INVS: variants seen among roughly 807,000 people sequenced by gnomAD.
INVS encodes the protein inversin.
A neutral mutation model predicts 108.8 loss-of-function variants in INVS; 86 were observed. That is an observed-to-expected ratio of 0.79 (90% confidence interval 0.66 to 0.95). The LOEUF is 0.95. Ranked by LOEUF, INVS falls within the 40% of genes least tolerant of loss-of-function variation. INVS has a pLI of 0.00. For synonymous variants in INVS, 455 were observed against 473.5 expected, an observed-to-expected ratio of 0.96 and a Z score of 0.51; for missense variants, 1,169 against 1,297.4, an observed-to-expected ratio of 0.90 and a Z score of 1.52.
chr9:100,160,130 T>A (rs948315812), intron 3 of INVS, among the ~76,000 whole-genome samples: 3 of 152,198 alleles, frequency 2.0e-5, no homozygotes, highest in Non-Finnish European at 4.4e-5. Context: ...ACAATGCCCT[T>A]CTGGGAGCTC....
intron 10 of INVS, among the ~76,000 whole-genome samples, chr9:100,254,869 C>T (rs1342677034): frequency 6.6e-6 from 1 of 152,140 alleles, no homozygotes; most frequent in Non-Finnish European, 1.5e-5. Context: ...CAGCTTTGTT[C>T]TTTTGGCTTA....
chr9:100,183,300 A>G (rs971177087), intron 3 of INVS, among the ~76,000 whole-genome samples: 1 of 152,184 alleles, frequency 6.6e-6, no homozygotes, highest in Non-Finnish European at 1.5e-5. Flanking sequence ...ATGATCCAAT[A>G]TAGTAAAGCA....
chr9:100,161,380 A>ACAAAAAAAAAAC (rs1564138752), intron 3 of INVS, among the ~76,000 whole-genome samples: 1 of 115,430 alleles, frequency 8.7e-6, no homozygotes, highest in Non-Finnish European at 1.7e-5. Flanking sequence ...AAAAAAAAAA[A>ACAAAAAAAAAAC]AAAAAAAAAA....
At chr9:100,136,122 C>T (rs572025783) in intron 3 of INVS, among the ~76,000 whole-genome samples, 2 of 152,164 alleles carry the variant, frequency 1.3e-5, no homozygotes, top group Admixed American at 1.3e-4. Context: ...CTGGATTTTT[C>T]AGTTAGAAAG....
intron 1 of INVS, among the ~76,000 whole-genome samples, chr9:100,101,011 T>A (rs1257768742): frequency 1.0e-5 from 1 of 97,240 alleles, no homozygotes; most frequent in African/African-American, 4.1e-5. Flanking sequence ...ATATATATAT[T>A]ATATGTATAT....
chr9:100,200,355 T>C (rs1485166228), intron 3 of INVS, among the ~76,000 whole-genome samples: 1 of 152,234 alleles, frequency 6.6e-6, no homozygotes, highest in Non-Finnish European at 1.5e-5. Context: ...ATGGAGTAAT[T>C]TTTTATAGCA....
chr9:100,136,325 G>A (rs561682882), intron 3 of INVS, among the ~76,000 whole-genome samples: 42 of 152,176 alleles, frequency 2.8e-4, no homozygotes, highest in African/African-American at 8.9e-4. Context: ...CAGTATAACC[G>A]TCACCCACTT....
At position 100,100,649 on chromosome 9, in the gene INVS, T is replaced by TATATAATATATATTATATATGTAC. The variant is rs1826825642; in HGVS notation, c.-25+1246_-25+1247insTATATATGTACATATAATATATAT. ...ATATAATATATATATTATATATGTATATATAATATATATATTATATATGTA... is the reference window on the plus strand; with the variant it reads ...ATATAATATATATATTATATATGTATATATAATATATATTATATATGTACATATAATATATATATTATATATGTA... On this transcript the variant is annotated intron_variant, in intron 1 of 16. Transcript: ENST00000262457. Among the ~76,000 whole-genome samples, 2 of 42,724 alleles carry TATATAATATATATTATATATGTAC rather than the reference T, an allele frequency of 4.7e-5. 1 individual carries two copies. The highest frequency in any genetic ancestry group is 7.2e-5 in the Non-Finnish European group (2 of 27,696). 28.0% of individuals were successfully genotyped at this position (42,724 alleles called of 152,430 possible).
chr9:100,234,252 C>A (rs1831608463), intron 5 of INVS, among the ~76,000 whole-genome samples: 1 of 152,000 alleles, frequency 6.6e-6, no homozygotes, highest in Non-Finnish European at 1.5e-5. Flanking sequence ...CTATTTAATT[C>A]TCTGTTTTCT....
intron 3 of INVS, among the ~76,000 whole-genome samples, chr9:100,157,499 C>T (rs1211095630): frequency 6.6e-6 from 1 of 151,938 alleles, no homozygotes; most frequent in Admixed American, 6.5e-5. Flanking sequence ...ATCTCCTGGC[C>T]TCGTGATCCG....
chr9:100,139,500 T>C (rs1377965035), intron 3 of INVS, among the ~76,000 whole-genome samples: 1 of 152,238 alleles, frequency 6.6e-6, no homozygotes, highest in Non-Finnish European at 1.5e-5. Context: ...AGCTATCTTC[T>C]AGAAATCTCT....
At chr9:100,270,793 A>G (rs975479291) in intron 11 of INVS, among the ~76,000 whole-genome samples, 1 of 150,816 alleles carries the variant, frequency 6.6e-6, no homozygotes, top group Non-Finnish European at 1.5e-5. Flanking sequence ...TTGGTGGTAC[A>G]TGCCCGTGGT....
At chr9:100,161,388 A>AAAAAAAAAAAAAAAAAAAAC (rs1564138793) in intron 3 of INVS, among the ~76,000 whole-genome samples, 1 of 139,046 alleles carries the variant, frequency 7.2e-6, no homozygotes, top group African/African-American at 2.9e-5. Context: ...AAAAAAAAAA[A>AAAAAAAAAAAAAAAAAAAAC]AAAACCTCAT....
chr9:100,192,248 AGTGT>A (rs58132596), intron 3 of INVS, among the ~76,000 whole-genome samples: 7,514 of 144,960 alleles, frequency 0.052, 204 homozygotes, highest in African/African-American at 0.075. Flanking sequence ...GGGAAAAAAG[AGTGT>A]GTGTGTGTGT....
chr9:100,181,425 G>C (rs755664651), intron 3 of INVS, among the ~76,000 whole-genome samples: 2 of 151,848 alleles, frequency 1.3e-5, no homozygotes, highest in African/African-American at 2.4e-5. Flanking sequence ...GCAAAGTCTC[G>C]GGATACAAAA....
chr9:100,217,611 G>A (rs1831030495), intron 3 of INVS, among the ~76,000 whole-genome samples: 1 of 152,222 alleles, frequency 6.6e-6, no homozygotes, highest in Non-Finnish European at 1.5e-5. Context: ...CATCTGAAGA[G>A]TGCTAGATTT....
chr9:100,247,126 T>A, intron 8 of INVS, among the ~76,000 whole-genome samples: 1 of 151,928 alleles, frequency 6.6e-6, no homozygotes, highest in Non-Finnish European at 1.5e-5. Context: ...CCATATTTAG[T>A]AGTCATGAAT....
rs1439993629 is a variant in INVS at position 100,240,051 on chromosome 9, T to C, written c.616-9T>C. ...TGTATGTCTGAAGTCTCTGGTTCCT[T>C]CAAATCAGGATGCTGCTCCAACAGA... On this transcript the variant is annotated splice_polypyrimidine_tract_variant and intron_variant, in intron 5 of 16. Coordinates refer to ENST00000262457, the MANE Select transcript of INVS (RefSeq NM_014425.5). 1 of 1,613,010 alleles carries C rather than the reference T, an allele frequency of 6.2e-7. No individual in the cohort carries two copies. Among genetic ancestry groups the C allele is most frequent in the Non-Finnish European group, 8.5e-7 (1 of 1,179,116 alleles).
chr9:100,296,039 G>C (rs1414065824), intron 14 of INVS, among the ~76,000 whole-genome samples: 1 of 152,062 alleles, frequency 6.6e-6, no homozygotes, highest in African/African-American at 2.4e-5. Context: ...AGGAGGGAGG[G>C]GCTGCACCAA....
Sources: gnomAD v4.1 joint callset for allele counts (sites outside exome capture counted in the v4.1 genomes callset) on GRCh38, gnomAD v4.1.1 for gene constraint, MANE v1.5 for transcripts, NCBI Gene and HGNC (gene_info 2026-07-23, HGNC 2026-07-21) for gene names.